The following HIVEP2 variants were observed in gnomAD, a reference collection of about 807,000 sequenced individuals.
HIVEP2 encodes the protein transcription factor HIVEP2.
In HIVEP2, 14 loss-of-function variants were observed where a neutral mutation model predicts 180.7. The ratio of observed to expected loss-of-function variants is 0.08; its 90% CI spans 0.05 to 0.12. The LOEUF (loss-of-function observed/expected upper bound fraction) is 0.12, where lower values mean the gene tolerates loss of function less well. HIVEP2 is among the 10% of genes least tolerant of loss of function. The pLI is 1.00. For synonymous variants in HIVEP2, 1,184 were observed against 1,136.4 expected (o/e 1.04, Z -0.84); for missense variants, 2,579 against 3,008.5 (o/e 0.86, Z 3.34).
intron 2 of HIVEP2, among the ~76,000 whole-genome samples, chr6:142,786,261 A>G (rs1775994778): frequency 6.6e-6 from 1 of 152,244 alleles, no homozygotes; most frequent in Non-Finnish European, 1.5e-5. Context: ...AGGAGGAAAG[A>G]TGATTATTTC....
chr6:142,826,900 A>G (rs1169181824), intron 2 of HIVEP2, among the ~76,000 whole-genome samples: 1 of 152,214 alleles, frequency 6.6e-6, no homozygotes, highest in Non-Finnish European at 1.5e-5. Flanking sequence ...CTGCTCAGCT[A>G]TATCTGTCAG....
intron 2 of HIVEP2, among the ~76,000 whole-genome samples, chr6:142,805,891 C>T (rs749106938): frequency 6.6e-6 from 1 of 152,132 alleles, no homozygotes; most frequent in Non-Finnish European, 1.5e-5. Flanking sequence ...GATGTTTTGC[C>T]TGGTGCCAGG....
chr6:142,850,767 G>T (rs537430465), intron 1 of HIVEP2, among the ~76,000 whole-genome samples: 2 of 152,300 alleles, frequency 1.3e-5, no homozygotes, highest in South Asian at 4.2e-4. Context: ...TTCTGAAGAA[G>T]CACCCTGAAA....
At chr6:142,875,496 T>G (rs1776411813) in intron 1 of HIVEP2, among the ~76,000 whole-genome samples, 1 of 152,196 alleles carries the variant, frequency 6.6e-6, no homozygotes, top group Non-Finnish European at 1.5e-5. Flanking sequence ...CTGGGGAGTG[T>G]GGAGGCAGGG....
intron 2 of HIVEP2, among the ~76,000 whole-genome samples, chr6:142,783,836 C>T (rs1775918805): frequency 6.6e-6 from 1 of 151,848 alleles, no homozygotes; most frequent in African/African-American, 2.4e-5. Flanking sequence ...AAGGGAATTC[C>T]CTGTAACAGT....
intron 1 of HIVEP2, among the ~76,000 whole-genome samples, chr6:142,932,349 C>T (rs1401249670): frequency 2.0e-5 from 3 of 152,086 alleles, no homozygotes; most frequent in Non-Finnish European, 4.4e-5. Context: ...TCTAGTTATA[C>T]TACATAAAAA....
At chr6:142,902,244 A>G (rs1777149569) in intron 1 of HIVEP2, among the ~76,000 whole-genome samples, 1 of 152,216 alleles carries the variant, frequency 6.6e-6, no homozygotes, top group African/African-American at 2.4e-5. Context: ...TAATATTACC[A>G]GTGATAAGGC....
chr6:142,925,385 TTTC>T (rs1777781015), intron 1 of HIVEP2, among the ~76,000 whole-genome samples: 1 of 152,204 alleles, frequency 6.6e-6, no homozygotes, highest in Non-Finnish European at 1.5e-5. Flanking sequence ...CCAATTTTAT[TTTC>T]TTAAGTGGGC....
At chr6:142,880,126 A>G (rs531541078) in intron 1 of HIVEP2, among the ~76,000 whole-genome samples, 1 of 152,198 alleles carries the variant, frequency 6.6e-6, no homozygotes, top group African/African-American at 2.4e-5. Flanking sequence ...ATTAGATTCT[A>G]TTATTCATTC....
In HIVEP2 at chr6:142,931,629, T is replaced by C. The variant is rs887186743; in HGVS notation, c.-641+13470A>G. On this transcript the variant is annotated intron_variant, in intron 1 of 9. Transcript: ENST00000367603. Reference sequence around the variant, plus strand: ...ACACAGACAGTATATAAAAATAATATGCCAATTCAAAGCAAACATGTCTTC... The same window carrying C: ...ACACAGACAGTATATAAAAATAATACGCCAATTCAAAGCAAACATGTCTTC... Among the ~76,000 whole-genome samples, 42 of 152,150 alleles carry C rather than the reference T, an allele frequency of 2.8e-4. 1 individual carries two copies. Among genetic ancestry groups the C allele is most frequent in the Admixed American group, 4.6e-4 (7 of 15,274 alleles).
At position 142,773,569 on chromosome 6, in the gene HIVEP2, C is replaced by A. The variant is rs201805399; in HGVS notation, c.1170G>T (p.Pro390=). 12 of 1,614,170 alleles carry A rather than the reference C, an allele frequency of 7.4e-6. No individual in the cohort carries two copies. The highest frequency in any genetic ancestry group is 1.7e-5 in the Admixed American group (1 of 60,018). ...CAGAATCAGTGCTTCCTTTACTGTG[C>A]GGGCTCAGAAGGTTGAGCGATGGCT... is the stretch of plus-strand genomic sequence containing the variant. ...DSEPSLNLLS[P]HSKGSTDSGY... is the part of the protein sequence containing the mutation. Residue 390 remains proline (P), a synonymous_variant, in exon 5 of 10, where the codon CCG becomes CCT. Transcript: ENST00000367603.
At chr6:142,915,831 C>A (rs1220258889) in intron 1 of HIVEP2, among the ~76,000 whole-genome samples, 1 of 152,194 alleles carries the variant, frequency 6.6e-6, no homozygotes, top group Non-Finnish European at 1.5e-5. Context: ...ACCACCCCTT[C>A]CTCCAGACTC....
At chr6:142,788,394 A>C (rs1218630887) in intron 2 of HIVEP2, 1 of 152,192 alleles carries the variant, frequency 6.6e-6, no homozygotes, top group Non-Finnish European at 1.5e-5. Context: ...AATACAGAAA[A>C]AGAAAAGACA....
At chr6:142,810,247 G>GTAAATGTTGATATATTTTTT (rs757055175) in intron 2 of HIVEP2, among the ~76,000 whole-genome samples, 31 of 152,006 alleles carry the variant, frequency 2.0e-4, no homozygotes, top group Non-Finnish European at 4.0e-4. Context: ...ATAGGTAAAA[G>GTAAATGTTGATATATTTTTT]TAAATGTTGA....
intron 1 of HIVEP2, among the ~76,000 whole-genome samples, chr6:142,842,396 A>C (rs985633369): frequency 4.6e-5 from 7 of 152,238 alleles, no homozygotes; most frequent in Non-Finnish European, 8.8e-5. Context: ...TATGGTTTAC[A>C]TAACCGATAT....
At chr6:142,877,014 A>G (rs894409492) in intron 1 of HIVEP2, among the ~76,000 whole-genome samples, 2 of 152,206 alleles carry the variant, frequency 1.3e-5, no homozygotes, top group Non-Finnish European at 2.9e-5. Flanking sequence ...GCACCACTGC[A>G]CTCCAGGGGG....
intron 1 of HIVEP2, among the ~76,000 whole-genome samples, chr6:142,942,133 C>T (rs62428833): frequency 0.15 from 22,356 of 152,064 alleles, 2,101 homozygotes; most frequent in Non-Finnish European, 0.21. Flanking sequence ...AATTACTTTT[C>T]CTATGTGAAG....
chr6:142,936,195 C>T (rs1778048893), intron 1 of HIVEP2, among the ~76,000 whole-genome samples: 1 of 151,784 alleles, frequency 6.6e-6, no homozygotes, highest in Non-Finnish European at 1.5e-5. Context: ...TTCTCTCTCT[C>T]TCTCTCTTTT....
Position 142,774,578 on chromosome 6 carries a change from T to C in HIVEP2, c.161A>G (p.Gln54Arg), listed in dbSNP as rs1775646329. 1 of 1,614,104 alleles carries C rather than the reference T, an allele frequency of 6.2e-7. No individual in the cohort carries two copies. Among genetic ancestry groups the C allele is most frequent in the South Asian group, 1.1e-5 (1 of 91,090 alleles). The change falls in exon 5 of 10, where the codon CAA (glutamine) becomes CGA (arginine). Residue 54 changes from glutamine (Q) to arginine (R), a missense_variant. Physicochemically the swap from Gln to Arg is conservative, Grantham distance 43. Coordinates refer to ENST00000367603, the MANE Select transcript of HIVEP2 (RefSeq NM_006734.4). This position sits in a 1 kb window ranked among gnomAD's most constrained non-coding sequence, Gnocchi z 5.1. ...TTGTGCTGATGCTGTGTTTCCGATT[T>C]GCTCAGGCTCTATTTGTGGTTGCCG... ...GQRQPQIEPE[Q>R]IGNTASAQLF...
Sources: gnomAD v4.1 joint callset for allele counts (sites outside exome capture counted in the v4.1 genomes callset) on GRCh38, gnomAD v4.1.1 for gene constraint, Gnocchi (gnomAD v3.1) non-coding constraint, MANE v1.5 for transcripts, NCBI Gene and HGNC (gene_info 2026-07-23, HGNC 2026-07-21) for gene names.